GALNTL6: variants seen among roughly 807,000 people sequenced by gnomAD.
GALNTL6 encodes polypeptide N-acetylgalactosaminyltransferase-like 6.
Under a neutral mutation model 73.7 loss-of-function variants are expected in GALNTL6, and 46 were observed. That is an observed-to-expected ratio of 0.62 (90% CI 0.49 to 0.80). GALNTL6 has a LOEUF of 0.80. GALNTL6 is among the 30% of genes least tolerant of loss of function. The pLI is 0.00. For synonymous variants in GALNTL6, 259 were observed against 263.7 expected, an observed-to-expected ratio of 0.98 and a Z score of 0.17; for missense variants, 604 against 755.0, an observed-to-expected ratio of 0.80 and a Z score of 2.34.
At chr4:172,782,011 G>A (rs916825275) in intron 5 of GALNTL6, among the ~76,000 whole-genome samples, 1 of 151,652 alleles carries the variant, frequency 6.6e-6, no homozygotes, top group East Asian at 1.9e-4. Context: ...TTTGGGATAG[G>A]CTTGCTTCTC....
At chr4:172,799,831 G>A (rs1330210340) in intron 5 of GALNTL6, among the ~76,000 whole-genome samples, 1 of 152,156 alleles carries the variant, frequency 6.6e-6, no homozygotes, top group Non-Finnish European at 1.5e-5. Flanking sequence ...GTTTGTAGCA[G>A]CATTATCCAC....
intron 9 of GALNTL6, among the ~76,000 whole-genome samples, chr4:172,940,187 CTT>C (rs34843916): frequency 1.2e-4 from 16 of 128,788 alleles, no homozygotes; most frequent in Admixed American, 1.6e-4. Flanking sequence ...CCTCGCAAAA[CTT>C]TTTTTTTTTT....
intron 2 of GALNTL6, among the ~76,000 whole-genome samples, chr4:172,011,396 G>A (rs963503431): frequency 3.3e-5 from 5 of 152,010 alleles, no homozygotes; most frequent in African/African-American, 1.2e-4. Context: ...AGAGAGTGTG[G>A]GTGTGTCCTA....
chr4:172,109,141 T>C (rs562474330), intron 2 of GALNTL6, among the ~76,000 whole-genome samples: 1 of 152,288 alleles, frequency 6.6e-6, no homozygotes, highest in South Asian at 2.1e-4. Flanking sequence ...TCATTGACTT[T>C]TTGAGAATTC....
At chr4:172,674,598 A>G (rs553378791) in intron 5 of GALNTL6, among the ~76,000 whole-genome samples, 24 of 152,194 alleles carry the variant, frequency 1.6e-4, no homozygotes, top group African/African-American at 5.3e-4. Flanking sequence ...TTTCAGGGAC[A>G]CCAACAAGCC....
chr4:172,383,462 G>T (rs914981296), intron 5 of GALNTL6, among the ~76,000 whole-genome samples: 2 of 151,970 alleles, frequency 1.3e-5, no homozygotes, highest in African/African-American at 4.8e-5. Context: ...TTTGAATTCT[G>T]CAATCTTGCT....
chr4:172,356,024 A>T (rs1360345257), intron 5 of GALNTL6, among the ~76,000 whole-genome samples: 1 of 152,178 alleles, frequency 6.6e-6, no homozygotes, highest in African/African-American at 2.4e-5. Context: ...AGCTGCTCTG[A>T]CTTTCCAACT....
intron 5 of GALNTL6, among the ~76,000 whole-genome samples, chr4:172,363,835 G>T (rs1020441118): frequency 2.6e-5 from 4 of 152,122 alleles, no homozygotes; most frequent in Non-Finnish European, 1.5e-5. Context: ...TCAGTCATTA[G>T]GAGAATTTAT....
Position 171,858,546 on chromosome 4 carries a change from A to AT in GALNTL6, c.138+43837dup, listed in dbSNP as rs954679994. ...CAGGTGTGGAATCTGAAGCCTATAGATTTTTTTTTAATTGCTCAAGTACTC... is the reference window on the plus strand; with the variant it reads ...CAGGTGTGGAATCTGAAGCCTATAGATTTTTTTTTTAATTGCTCAAGTACTC... On this transcript the variant is annotated intron_variant, in intron 2 of 12. Transcript: ENST00000506823. Among the ~76,000 whole-genome samples the AT allele has an allele frequency of 1.1e-4, 17 of 149,842 alleles. 2 individuals are homozygous for AT. Among genetic ancestry groups the AT allele is most frequent in the African/African-American group, 3.5e-4 (14 of 39,738 alleles).
chr4:171,907,825 C>G (rs1227781094), intron 2 of GALNTL6, among the ~76,000 whole-genome samples: 1 of 151,788 alleles, frequency 6.6e-6, no homozygotes, highest in Non-Finnish European at 1.5e-5. Flanking sequence ...GAACAGAGCC[C>G]TCAGAAATAA....
At chr4:172,813,786 C>G (rs1741447490) in intron 7 of GALNTL6, 63 bp downstream of exon 7, 2 of 1,292,754 alleles carry the variant, frequency 1.5e-6, no homozygotes, top group Non-Finnish European at 2.1e-6. Context: ...CAGTGTTAAA[C>G]CTGGGCTCAA....
intron 5 of GALNTL6, among the ~76,000 whole-genome samples, chr4:172,414,691 G>GA (rs1025624955): frequency 5.9e-5 from 9 of 152,084 alleles, no homozygotes; most frequent in African/African-American, 2.2e-4. Flanking sequence ...AGAAGTTCTT[G>GA]AATCTTTGTG....
chr4:172,031,418 C>T (rs985945214), intron 2 of GALNTL6, among the ~76,000 whole-genome samples: 10 of 152,022 alleles, frequency 6.6e-5, no homozygotes, highest in Non-Finnish European at 2.9e-5. Flanking sequence ...AGACGTGCTC[C>T]TTAAAAAATT....
chr4:172,340,336 T>A (rs1741517519), intron 4 of GALNTL6, among the ~76,000 whole-genome samples: 1 of 152,194 alleles, frequency 6.6e-6, no homozygotes, highest in African/African-American at 2.4e-5. Context: ...ATCCCAGGGA[T>A]AAGTCCAGCT....
At chr4:171,980,942 A>G (rs1474502773) in intron 2 of GALNTL6, among the ~76,000 whole-genome samples, 1 of 152,362 alleles carries the variant, frequency 6.6e-6, no homozygotes, top group Non-Finnish European at 1.5e-5. Flanking sequence ...ATGGCCAACT[A>G]TGTAACTTTT....
In GALNTL6 at chr4:172,380,371, A is replaced by G. The variant is rs530461136; in HGVS notation, c.553+31682A>G. ...CACAGTGGGAATCCCAGGGACTGGC[A>G]ATGACCACATGAAAATAATGGATGT... On this transcript the variant is annotated intron_variant, in intron 5 of 12. Coordinates refer to ENST00000506823, the MANE Select transcript of GALNTL6 (RefSeq NM_001034845.3). 1.5e-5 allele frequency: 10 copies of G among 684,638 alleles called. No individual in the cohort carries two copies. The African/African-American group carries it at 1.6e-4, about 11-fold the overall frequency. 42.4% of individuals were successfully genotyped at this position (684,638 alleles called of 1,614,324 possible).
At chr4:172,823,741 A>G (rs922183017) in intron 7 of GALNTL6, among the ~76,000 whole-genome samples, 7 of 152,236 alleles carry the variant, frequency 4.6e-5, no homozygotes, top group African/African-American at 9.6e-5. Context: ...TGTAGAAAGA[A>G]CAAAGATGAT....
At chr4:172,320,335 T>C (rs1448605031) in intron 4 of GALNTL6, among the ~76,000 whole-genome samples, 1 of 152,144 alleles carries the variant, frequency 6.6e-6, no homozygotes, top group Non-Finnish European at 1.5e-5. Flanking sequence ...CCAGGAATGT[T>C]GGCCTTGTCC....
At chr4:172,532,261 C>T (rs1175092092) in intron 5 of GALNTL6, among the ~76,000 whole-genome samples, 2 of 152,070 alleles carry the variant, frequency 1.3e-5, no homozygotes, top group African/African-American at 4.8e-5. Flanking sequence ...GACTGGTATC[C>T]TTATAAGAAG....
Sources: allele counts gnomAD v4.1 joint callset (sites outside exome capture counted in the v4.1 genomes callset), GRCh38; gene constraint gnomAD v4.1.1; transcripts MANE v1.5; gene names NCBI Gene and HGNC (gene_info 2026-07-23, HGNC 2026-07-21).